MID1: variants seen among roughly 807,000 people sequenced by gnomAD.
MID1 encodes E3 ubiquitin-protein ligase Midline-1.
Under a neutral mutation model 40.4 loss-of-function variants are expected in MID1, and 7 were observed. The ratio of observed to expected loss-of-function variants is 0.17; its 90% CI spans 0.10 to 0.33. The LOEUF (loss-of-function observed/expected upper bound fraction) is 0.33, where lower values mean the gene tolerates loss of function less well. Among genes scored for constraint, MID1 ranks in the 10% least tolerant of loss-of-function variants. The probability of loss-of-function intolerance (pLI) is 1.00; values close to 1 mark genes in which losing one functional copy is unlikely to be tolerated. For missense variants in MID1, 367 were observed against 558.5 expected (o/e 0.66, Z 3.46); for synonymous variants, 229 against 221.2 (o/e 1.04, Z -0.31).
At chrX:10,806,016 G>A (rs1485150634) in intron 1 of MID1, among the ~76,000 whole-genome samples, 1 of 104,033 alleles carries the variant, frequency 9.6e-6, no homozygotes, top group Non-Finnish European at 2.0e-5. Flanking sequence ...CTCCCATTTT[G>A]TAGGTTGCCT....
upstream of MID1, among the ~76,000 whole-genome samples, chrX:10,624,071 T>A (rs1436525591): frequency 8.9e-6 from 1 of 112,568 alleles, no homozygotes; most frequent in Non-Finnish European, 1.9e-5. Context: ...GTACAGGTAC[T>A]CCTTAAATTA....
chrX:10,531,360 G>C (rs1932966120), intron 2 of MID1, among the ~76,000 whole-genome samples: 1 of 112,056 alleles, frequency 8.9e-6, no homozygotes. Flanking sequence ...ATGTAATTTA[G>C]GTTGTTTTAA....
chrX:10,793,982 C>T (rs1316756318), intron 1 of MID1, among the ~76,000 whole-genome samples: 1 of 111,844 alleles, frequency 8.9e-6, no homozygotes, highest in Non-Finnish European at 1.9e-5. Flanking sequence ...TTCTCCTTCT[C>T]TTGCTCCCTC....
chrX:10,761,692 A>T (rs1036437593), intron 1 of MID1, among the ~76,000 whole-genome samples: 6 of 112,331 alleles, frequency 5.3e-5, no homozygotes, highest in African/African-American at 1.9e-4. Flanking sequence ...GACTTAGAGT[A>T]AAGCTCTCCC....
chrX:10,516,280 T>C (rs7890322), intron 3 of MID1, among the ~76,000 whole-genome samples: 8,989 of 102,835 alleles, frequency 0.087, 915 homozygotes, highest in African/African-American at 0.28. Flanking sequence ...CTGCAAGCTC[T>C]GCCTCCCGGG....
chrX:10,488,843 C>T (rs1334325369), intron 4 of MID1, among the ~76,000 whole-genome samples: 1 of 111,560 alleles, frequency 9.0e-6, no homozygotes, highest in Non-Finnish European at 1.9e-5. Context: ...TGGATGCTTC[C>T]TGCCCTCGAA....
intron 1 of MID1, among the ~76,000 whole-genome samples, chrX:10,583,900 A>G (rs748457418): frequency 3.6e-5 from 4 of 110,301 alleles, no homozygotes; most frequent in African/African-American, 9.9e-5. Context: ...GCACGGTGGC[A>G]GACGCCTGTA....
At chrX:10,641,529 C>A (rs193237613) in intron 1 of MID1, among the ~76,000 whole-genome samples, 91 of 110,648 alleles carry the variant, frequency 8.2e-4, no homozygotes, top group African/African-American at 2.7e-3. Flanking sequence ...CAATAAGTAG[C>A]CTACCAACCA....
At chrX:10,662,228 G>C (rs777252298) in intron 1 of MID1, among the ~76,000 whole-genome samples, 1 of 110,242 alleles carries the variant, frequency 9.1e-6, no homozygotes, top group Non-Finnish European at 1.9e-5. Context: ...CTCTTGAACC[G>C]GGGAGGCGGA....
chrX:10,465,527 A>ATAAT (rs1929341716), intron 7 of MID1, among the ~76,000 whole-genome samples: 1 of 110,966 alleles, frequency 9.0e-6, no homozygotes, highest in South Asian at 3.8e-4. Flanking sequence ...GTTTACAGAT[A>ATAAT]TAATTAAGGT....
intron 1 of MID1, among the ~76,000 whole-genome samples, chrX:10,795,089 G>A (rs190197678): frequency 9.0e-6 from 1 of 111,311 alleles, no homozygotes; most frequent in Non-Finnish European, 1.9e-5. Context: ...ATGTTGAGCA[G>A]TATTATCCCT....
chrX:10,730,758 T>G (rs1205767928), intron 1 of MID1, among the ~76,000 whole-genome samples: 3 of 108,865 alleles, frequency 2.8e-5, no homozygotes, highest in African/African-American at 1.0e-4. Context: ...TTTTTTTTAG[T>G]ATAGAAGGGG....
At chrX:10,672,152 G>T (rs1471346531) in intron 1 of MID1, among the ~76,000 whole-genome samples, 1 of 110,048 alleles carries the variant, frequency 9.1e-6, no homozygotes, top group African/African-American at 3.3e-5. Flanking sequence ...TTGACCACAG[G>T]AAGTTGAGGC....
intron 2 of MID1, among the ~76,000 whole-genome samples, chrX:10,531,494 G>C (rs777418849): frequency 8.9e-6 from 1 of 112,166 alleles, no homozygotes; most frequent in Non-Finnish European, 1.9e-5. Context: ...TTTAAGTCTA[G>C]TATTCCATGG....
At chrX:10,643,653 G>A (rs1416927455) in intron 1 of MID1, among the ~76,000 whole-genome samples, 1 of 111,198 alleles carries the variant, frequency 9.0e-6, no homozygotes, top group Non-Finnish European at 1.9e-5. Context: ...TCCCATTACT[G>A]GGTATATACC....
At chrX:10,477,570 C>T (rs2147291778) in intron 5 of MID1, among the ~76,000 whole-genome samples, 1 of 112,298 alleles carries the variant, frequency 8.9e-6, no homozygotes, top group East Asian at 2.8e-4. Flanking sequence ...ACATTTTAGG[C>T]CATGTTTTTA....
At chrX:10,477,470 G>GT (rs1000303422) in intron 5 of MID1, among the ~76,000 whole-genome samples, 2 of 112,047 alleles carry the variant, frequency 1.8e-5, no homozygotes, top group Admixed American at 9.4e-5. Flanking sequence ...CTACACATTT[G>GT]TTTTTTGATG....
chrX:10,557,097 C>T (rs1934149977), intron 2 of MID1, among the ~76,000 whole-genome samples: 1 of 111,582 alleles, frequency 9.0e-6, no homozygotes, highest in African/African-American at 3.3e-5. Context: ...GCAGTGTCCC[C>T]GAGGTTGTCT....
chrX:10,450,463 G>A (rs1467334936), intron 9 of MID1, among the ~76,000 whole-genome samples: 1 of 112,063 alleles, frequency 8.9e-6, no homozygotes, highest in East Asian at 2.8e-4. Flanking sequence ...GAGAATACAT[G>A]TTAAGTCCCA....
Sources: allele counts gnomAD v4.1 joint callset (sites outside exome capture counted in the v4.1 genomes callset), GRCh38; gene constraint gnomAD v4.1.1; transcripts MANE v1.5; gene names NCBI Gene and HGNC (gene_info 2026-07-23, HGNC 2026-07-21).